Variants in SLC35F4 observed in about 807,000 individuals in gnomAD.
The protein encoded by SLC35F4 is chromosome 14 open reading frame 36.
Under a neutral mutation model 44.2 loss-of-function variants are expected in SLC35F4, and 24 were observed. The observed-to-expected ratio is 0.54, with a 90% CI of 0.39 to 0.76. SLC35F4 has a LOEUF of 0.76. Ranked by LOEUF, SLC35F4 falls within the 30% of genes least tolerant of loss-of-function variation. SLC35F4 has a pLI of 0.00. For missense variants in SLC35F4, 562 were observed against 586.1 expected, an observed-to-expected ratio of 0.96 and a Z score of 0.42; for synonymous variants, 238 against 223.6, an observed-to-expected ratio of 1.06 and a Z score of -0.57.
chr14:57,565,842 G>A (rs1435053205), intron 7 of SLC35F4, among the ~76,000 whole-genome samples: 1 of 152,078 alleles, frequency 6.6e-6, no homozygotes, highest in East Asian at 1.9e-4. Flanking sequence ...TGATTGTCGT[G>A]GAGGACAGAA....
At chr14:57,619,762 T>A (rs1316408230) in intron 1 of SLC35F4, among the ~76,000 whole-genome samples, 2 of 152,074 alleles carry the variant, frequency 1.3e-5, no homozygotes, top group Non-Finnish European at 2.9e-5. Context: ...AGGAGCATGT[T>A]CTAATGAAAT....
intron 1 of SLC35F4, among the ~76,000 whole-genome samples, chr14:57,979,167 A>T (rs187291827): frequency 3.9e-5 from 6 of 152,296 alleles, no homozygotes; most frequent in Admixed American, 2.6e-4. Flanking sequence ...GAGTGAGGAA[A>T]ATAAAGATTG....
chr14:57,598,825 A>T (rs1446916155), intron 1 of SLC35F4, among the ~76,000 whole-genome samples: 3 of 152,186 alleles, frequency 2.0e-5, no homozygotes, highest in Admixed American at 1.3e-4. Flanking sequence ...TCTGGTGCCT[A>T]AACCTAAAGG....
intron 1 of SLC35F4, among the ~76,000 whole-genome samples, chr14:57,669,995 C>T (rs2074458219): frequency 6.6e-6 from 1 of 152,030 alleles, no homozygotes; most frequent in African/African-American, 2.4e-5. Context: ...TTAATTATTG[C>T]CTCAATTTCA....
chr14:57,865,632 A>ACCGCGCGC (rs1455209675), intron 1 of SLC35F4, 91 bp downstream of exon 1: 1 of 1,090,662 alleles, frequency 9.2e-7, no homozygotes, highest in Admixed American at 2.8e-5. Flanking sequence ...AGGTGTCCGT[A>ACCGCGCGC]CCGCGCGCCC....
intron 1 of SLC35F4, among the ~76,000 whole-genome samples, chr14:57,658,068 A>G (rs1453191314): frequency 1.3e-5 from 2 of 152,188 alleles, no homozygotes; most frequent in Non-Finnish European, 2.9e-5. Context: ...GATGATTATG[A>G]CTATGGAAAC....
intron 1 of SLC35F4, among the ~76,000 whole-genome samples, chr14:57,916,260 A>G (rs1213567607): frequency 1.3e-5 from 2 of 152,160 alleles, no homozygotes; most frequent in African/African-American, 4.8e-5. Context: ...CCATTAATCT[A>G]TTGATGAGGG....
intron 1 of SLC35F4, among the ~76,000 whole-genome samples, chr14:57,804,716 G>C (rs185165260): frequency 1.9e-4 from 29 of 152,178 alleles, no homozygotes; most frequent in African/African-American, 7.2e-5. Context: ...ACAAACAAAG[G>C]TTTCATGACA....
chr14:57,957,565 G>A (rs1890262019), intron 1 of SLC35F4, among the ~76,000 whole-genome samples: 1 of 152,162 alleles, frequency 6.6e-6, no homozygotes, highest in African/African-American at 2.4e-5. Context: ...CATGTAAGGA[G>A]CAGTGGAAAT....
intron 1 of SLC35F4, chr14:57,630,202 G>A: frequency 1.8e-6 from 1 of 564,832 alleles, no homozygotes; most frequent in South Asian, 1.4e-5. Flanking sequence ...GCCAAGGAAG[G>A]GAAGAATGTG....
chr14:57,899,819 C>T (rs79629356), intron 1 of SLC35F4, among the ~76,000 whole-genome samples: 18,307 of 152,048 alleles, frequency 0.12, 1,352 homozygotes, highest in East Asian at 0.4. Flanking sequence ...AGAATGAAGC[C>T]GTGGACCTTT....
At chr14:57,650,181 C>T (rs528494486) in intron 1 of SLC35F4, among the ~76,000 whole-genome samples, 124 of 152,184 alleles carry the variant, frequency 8.1e-4, no homozygotes, top group Non-Finnish European at 1.6e-3. Context: ...TGAGAGATCT[C>T]ATTCGGGCCT....
chr14:57,599,676 T>C (rs920746921), intron 1 of SLC35F4, among the ~76,000 whole-genome samples: 2 of 151,754 alleles, frequency 1.3e-5, no homozygotes, highest in African/African-American at 2.4e-5. Flanking sequence ...ACCCCGTCTC[T>C]ACTAAAAATA....
chr14:57,751,930 CTCTCTCTGTG>C (rs2076893331), intron 1 of SLC35F4, among the ~76,000 whole-genome samples: 1 of 150,168 alleles, frequency 6.7e-6, no homozygotes, highest in South Asian at 2.1e-4. Context: ...CTCTCTCTCT[CTCTCTCTGTG>C]TGTGTGTGTG....
intron 1 of SLC35F4, among the ~76,000 whole-genome samples, chr14:57,619,042 C>A (rs1279298420): frequency 3.3e-5 from 5 of 152,174 alleles, no homozygotes; most frequent in African/African-American, 1.2e-4. Flanking sequence ...CAGCTCCAGT[C>A]AGGGACTTAT....
intron 1 of SLC35F4, among the ~76,000 whole-genome samples, chr14:57,761,775 G>A (rs1008356821): frequency 3.3e-5 from 5 of 152,102 alleles, no homozygotes; most frequent in Non-Finnish European, 7.3e-5. Context: ...CTTGTGAAGG[G>A]AACTATTTTA....
intron 1 of SLC35F4, among the ~76,000 whole-genome samples, chr14:57,743,454 CAAAT>C (rs2076671986): frequency 1.3e-5 from 2 of 152,170 alleles, no homozygotes; most frequent in African/African-American, 4.8e-5. Context: ...CACCTCTACA[CAAAT>C]AAACTAAAAA....
At chr14:57,975,294 C>G (rs1881183468), downstream of SLC35F4, among the ~76,000 whole-genome samples, 1 of 152,194 alleles carries the variant, frequency 6.6e-6, no homozygotes, top group Admixed American at 6.5e-5. Flanking sequence ...TGATACCAAA[C>G]CCTACCTCTT....
At chr14:57,783,526 C>G (rs1200427930) in intron 1 of SLC35F4, among the ~76,000 whole-genome samples, 1 of 152,102 alleles carries the variant, frequency 6.6e-6, no homozygotes, top group African/African-American at 2.4e-5. Flanking sequence ...ATCAGGACAC[C>G]CCTTATCAAT....
Sources: allele counts gnomAD v4.1 joint callset (sites outside exome capture counted in the v4.1 genomes callset), GRCh38; gene constraint gnomAD v4.1.1; transcripts MANE v1.5; gene names NCBI Gene and HGNC (gene_info 2026-07-23, HGNC 2026-07-21).